Variants in QRFPR observed in about 807,000 individuals in gnomAD.
The protein encoded by QRFPR is pyroglutamylated RFamide peptide receptor.
QRFPR carries 37 observed loss-of-function variants against 31.3 expected under a neutral mutation model. The observed-to-expected ratio is 1.18, with a 90% confidence interval of 0.91 to 1.56. The LOEUF (loss-of-function observed/expected upper bound fraction) is 1.56, where lower values mean the gene tolerates loss of function less well. Ranked by LOEUF, QRFPR falls within the 40% of genes most tolerant of loss-of-function variation. The pLI, the probability that QRFPR is intolerant of heterozygous loss-of-function variation, is 0.00. For missense variants in QRFPR, 542 were observed against 532.5 expected, an observed-to-expected ratio of 1.02 and a Z score of -0.18; for synonymous variants, 197 against 192.0, an observed-to-expected ratio of 1.03 and a Z score of -0.22.
intron 1 of QRFPR, among the ~76,000 whole-genome samples, chr4:121,358,703 A>ACTCTTTCCTG (rs2110477986): frequency 6.6e-6 from 1 of 152,092 alleles, no homozygotes; most frequent in South Asian, 2.1e-4. Flanking sequence ...TTGCCTCTTT[A>ACTCTTTCCTG]CTCTTTCCTG....
chr4:121,372,172 G>A (rs533869511), intron 1 of QRFPR, among the ~76,000 whole-genome samples: 128 of 152,280 alleles, frequency 8.4e-4, no homozygotes, highest in Non-Finnish European at 1.4e-3. Context: ...CCACAAGACA[G>A]GGATAAGAAA....
chr4:121,379,947 C>G (rs1726439090), intron 1 of QRFPR, among the ~76,000 whole-genome samples: 1 of 151,922 alleles, frequency 6.6e-6, no homozygotes, highest in Non-Finnish European at 1.5e-5. Context: ...GGAAAGGGAG[C>G]TGAAATAAGT....
chr4:121,365,327 G>A (rs1356753743), intron 1 of QRFPR, among the ~76,000 whole-genome samples: 5 of 142,204 alleles, frequency 3.5e-5, no homozygotes, highest in East Asian at 4.2e-4. Context: ...GGTGGCAGGC[G>A]CCTGTAGTCC....
intron 1 of QRFPR, among the ~76,000 whole-genome samples, chr4:121,354,600 G>A (rs1247427728): frequency 6.6e-6 from 1 of 151,894 alleles, no homozygotes; most frequent in Non-Finnish European, 1.5e-5. Flanking sequence ...TTGAAAAAAA[G>A]AGGTGAAAAT....
chr4:121,358,340 C>A (rs1725908436), intron 1 of QRFPR, among the ~76,000 whole-genome samples: 1 of 151,846 alleles, frequency 6.6e-6, no homozygotes, highest in Non-Finnish European at 1.5e-5. Flanking sequence ...TGTAAATACT[C>A]CTGACAGAGC....
intron 1 of QRFPR, among the ~76,000 whole-genome samples, chr4:121,371,670 G>A (rs758335138): frequency 4.6e-5 from 7 of 152,126 alleles, no homozygotes; most frequent in Non-Finnish European, 7.4e-5. Flanking sequence ...ACATATGATC[G>A]GGGAGCTTTA....
At chr4:121,377,366 T>G (rs1726375225) in intron 1 of QRFPR, among the ~76,000 whole-genome samples, 1 of 152,074 alleles carries the variant, frequency 6.6e-6, no homozygotes, top group Admixed American at 6.5e-5. Context: ...TGAAGGAATT[T>G]GAGGGGTATT....
intron 3 of QRFPR, among the ~76,000 whole-genome samples, chr4:121,335,804 G>A (rs1418830511): frequency 6.6e-6 from 1 of 152,094 alleles, no homozygotes; most frequent in African/African-American, 2.4e-5. Context: ...TCTTCTGAGT[G>A]AAAGTAACCA....
chr4:121,375,408 C>T (rs1726331742), intron 1 of QRFPR, among the ~76,000 whole-genome samples: 1 of 152,172 alleles, frequency 6.6e-6, no homozygotes, highest in Admixed American at 6.6e-5. Flanking sequence ...GGAAACTTGG[C>T]TTTTCCACAG....
intron 1 of QRFPR, among the ~76,000 whole-genome samples, chr4:121,356,480 C>A (rs886080632): frequency 2.0e-5 from 3 of 152,126 alleles, no homozygotes; most frequent in African/African-American, 7.2e-5. Flanking sequence ...ATTTGTCAAT[C>A]CTGGGCATTG....
At chr4:121,346,932 T>C (rs1210277947) in intron 1 of QRFPR, among the ~76,000 whole-genome samples, 1 of 152,212 alleles carries the variant, frequency 6.6e-6, no homozygotes, top group Non-Finnish European at 1.5e-5. Context: ...TCTGGTATTA[T>C]ATTGATATTT....
chr4:121,339,319 T>G (rs1374093160), intron 2 of QRFPR, among the ~76,000 whole-genome samples: 1 of 152,268 alleles, frequency 6.6e-6, no homozygotes, highest in African/African-American at 2.4e-5. Flanking sequence ...AGGTTTTAAA[T>G]GGCTCAATTA....
At chr4:121,370,819 TAAG>T (rs1468843316) in intron 1 of QRFPR, among the ~76,000 whole-genome samples, 1 of 152,200 alleles carries the variant, frequency 6.6e-6, no homozygotes, top group Non-Finnish European at 1.5e-5. Context: ...AAATGGGAAG[TAAG>T]AAGAACTAGA....
chr4:121,357,160 C>G (rs976773574), intron 1 of QRFPR, among the ~76,000 whole-genome samples: 25 of 152,022 alleles, frequency 1.6e-4, no homozygotes, highest in African/African-American at 5.8e-4. Flanking sequence ...AATGGGTCAA[C>G]AGGGCTGTGT....
At chr4:121,353,418 G>A (rs1579579473) in intron 1 of QRFPR, among the ~76,000 whole-genome samples, 1 of 151,942 alleles carries the variant, frequency 6.6e-6, no homozygotes, top group African/African-American at 2.4e-5. Flanking sequence ...TCTTAACTGG[G>A]GTAAGATTCT....
rs969899750 is a variant in QRFPR at position 121,340,639 on chromosome 4, C to A, written c.341-29G>T. On this transcript the variant is annotated intron_variant, in intron 1 of 5. Transcript: ENST00000394427. ...CAGTAAGGAAATAGGACAAATCATA[C>A]ATCAAAACAAAAAGAATAAAGGTTT... The A allele has an allele frequency of 3.1e-6, 5 of 1,593,914 alleles. No homozygotes were observed. The Admixed American group carries it at 6.9e-5, about 22-fold the overall frequency.
chr4:121,373,717 C>A lies in QRFPR; in HGVS notation c.340+6591G>T, dbSNP rs1302262156. On this transcript the variant is annotated intron_variant, in intron 1 of 5. Transcript: ENST00000394427. ...GGGACCGAAGAAGTTCCAGGTTAAG[C>A]TCTCTGTTCTGAATTGGCCCTCAAA... Among the ~76,000 whole-genome samples, 3 of 152,158 alleles carry A rather than the reference C, an allele frequency of 2.0e-5. No individual in the cohort carries two copies. The East Asian group carries it at 5.8e-4, about 29-fold the overall frequency.
At chr4:121,348,246 G>A (rs528012530) in intron 1 of QRFPR, among the ~76,000 whole-genome samples, 1 of 152,218 alleles carries the variant, frequency 6.6e-6, no homozygotes, top group Admixed American at 6.5e-5. Context: ...TCCCTCATAG[G>A]ACTGTTGAAG....
chr4:121,378,714 C>T (rs897688142), intron 1 of QRFPR, among the ~76,000 whole-genome samples: 5 of 152,124 alleles, frequency 3.3e-5, no homozygotes, highest in African/African-American at 1.2e-4. Context: ...TGAGCCACCA[C>T]GCCTGGCCAG....
Sources: gnomAD v4.1 joint callset for allele counts (sites outside exome capture counted in the v4.1 genomes callset) on GRCh38, gnomAD v4.1.1 for gene constraint, MANE v1.5 for transcripts, NCBI Gene and HGNC (gene_info 2026-07-23, HGNC 2026-07-21) for gene names.